Variants in PDCD6IP observed in about 807,000 individuals in gnomAD.
PDCD6IP encodes programmed cell death 6-interacting protein.
In PDCD6IP, 43 loss-of-function variants were observed where a neutral mutation model predicts 103.7. That is an observed-to-expected ratio of 0.41 (90% confidence interval 0.32 to 0.53). The LOEUF is 0.53. Ranked by LOEUF, PDCD6IP falls within the 20% of genes least tolerant of loss-of-function variation. PDCD6IP has a pLI of 0.16. For synonymous variants in PDCD6IP, 354 were observed against 378.7 expected (o/e 0.93, Z 0.76); for missense variants, 871 against 1,036.7 (o/e 0.84, Z 2.20).
rs1404978803 is a variant in PDCD6IP, at chr3:33,867,833, GT to G, written c.*1311del. 6.6e-6 allele frequency: 1 copy of G among 152,120 alleles called. No individual in the cohort carries two copies. Among genetic ancestry groups the G allele is most frequent in the Admixed American group, 6.5e-5 (1 of 15,282 alleles). 9.4% of individuals were successfully genotyped at this position (152,120 alleles called of 1,614,324 possible). On this transcript the variant is annotated 3_prime_UTR_variant, in exon 18 of 18. Coordinates refer to ENST00000307296, the MANE Select transcript of PDCD6IP (RefSeq NM_013374.6). ...GAATCTATTTATGTTTATTTTCTGA[GT>G]TTCAACGCTGACCTTTTCTTGCATT...
chr3:33,863,761 TTAGGATATATA>T lies in PDCD6IP; in HGVS notation c.2121-244_2121-234del. On this transcript the variant is annotated intron_variant, in intron 15 of 17. Transcript: ENST00000307296. ...TCTTCAGTATATGGATATCCTTTCT[TTAGGATATATA>T]CCCAGCAGTGGGATTGTTGGATCAT... The T allele has an allele frequency of 6.5e-6, 3 of 461,292 alleles. No homozygotes were observed. In the East Asian group the frequency reaches 1.2e-4, roughly 19 times the overall value. The allele number at this position is 461,292 out of a possible 1,614,324, so 28.6% of individuals were successfully genotyped here.
At chr3:33,801,963 T>C (rs1306240603) in intron 1 of PDCD6IP, among the ~76,000 whole-genome samples, 2 of 152,230 alleles carry the variant, frequency 1.3e-5, no homozygotes, top group South Asian at 2.1e-4. Flanking sequence ...CAGGTACATC[T>C]ATTTTTAGTA....
At chr3:33,841,512 C>T (rs1255129367) in intron 9 of PDCD6IP, among the ~76,000 whole-genome samples, 1 of 137,290 alleles carries the variant, frequency 7.3e-6, no homozygotes, top group African/African-American at 2.8e-5. Flanking sequence ...GATCTCGGCT[C>T]ACTGCAAGCT....
At chr3:33,852,138 C>G (rs1181245701) in intron 12 of PDCD6IP, among the ~76,000 whole-genome samples, 3 of 152,144 alleles carry the variant, frequency 2.0e-5, no homozygotes, top group Non-Finnish European at 4.4e-5. Context: ...TTTTCTGAGA[C>G]TCGTTATCCC....
At chr3:33,846,409 C>T (rs1697592788) in intron 12 of PDCD6IP, among the ~76,000 whole-genome samples, 1 of 152,146 alleles carries the variant, frequency 6.6e-6, no homozygotes. Context: ...AATTAACATA[C>T]AAATTACACA....
intron 15 of PDCD6IP, among the ~76,000 whole-genome samples, chr3:33,862,664 A>G (rs1379348150): frequency 6.6e-6 from 1 of 152,226 alleles, no homozygotes; most frequent in African/African-American, 2.4e-5. Context: ...TTCTTTGAAT[A>G]TCTTCAGGAA....
At chr3:33,857,223 C>T (rs1318965219) in intron 15 of PDCD6IP, among the ~76,000 whole-genome samples, 2 of 152,044 alleles carry the variant, frequency 1.3e-5, no homozygotes, top group East Asian at 1.9e-4. Context: ...CTCTGTCGCC[C>T]AGGCTGGAGT....
chr3:33,822,299 C>A (rs1417107905), intron 4 of PDCD6IP, among the ~76,000 whole-genome samples: 1 of 152,160 alleles, frequency 6.6e-6, no homozygotes, highest in African/African-American at 2.4e-5. Context: ...GAGCACCTAG[C>A]ACAGTGCCTG....
chr3:33,827,322 T>A (rs1436086273), intron 6 of PDCD6IP: 2 of 567,554 alleles, frequency 3.5e-6, no homozygotes, highest in Non-Finnish European at 4.5e-6. Flanking sequence ...AGTTTCATCA[T>A]ATGGTATCTG....
At position 33,861,231 on chromosome 3, in the gene PDCD6IP, G is replaced by A. The variant is rs571626467; in HGVS notation, c.2121-2775G>A. 1.5e-4 allele frequency among the ~76,000 whole-genome samples: 22 copies of A among 151,042 alleles called. 1 individual carries two copies. In the South Asian group the frequency reaches 4.0e-3, roughly 27 times the overall value. ...ACGATCTCGGCTCACTGCAACCTCC[G>A]CCTCCTGGGTTCAAGCAATTCTCTG... On this transcript the variant is annotated intron_variant, in intron 15 of 17. Transcript: ENST00000307296.
chr3:33,824,857 AT>A (rs1454041386), intron 4 of PDCD6IP, among the ~76,000 whole-genome samples: 2 of 152,204 alleles, frequency 1.3e-5, no homozygotes, highest in African/African-American at 4.8e-5. Flanking sequence ...AGTACTAAAA[AT>A]ATTTTAATGT....
At chr3:33,835,281 G>A (rs766463225) in intron 7 of PDCD6IP, 31 of 456,580 alleles carry the variant, frequency 6.8e-5, no homozygotes, top group East Asian at 1.4e-4. Context: ...GAGTTAGGCC[G>A]TTTGAGGTTC....
chr3:33,838,156 C>T lies in PDCD6IP; in HGVS notation c.1058-48C>T, dbSNP rs34744309. The T allele has an allele frequency of 8.4e-5, 131 of 1,551,278 alleles. No homozygotes were observed. The Admixed American group carries it at 8.5e-4, about 10-fold the overall frequency. The stretch of plus-strand genomic sequence containing the variant: ...AATATAAACAGTCACTTTTACAGTT[C>T]GGGTTTTTGTCTAAAAATTTTGTTG... On this transcript the variant is annotated intron_variant, in intron 8 of 17. Coordinates refer to ENST00000307296, the MANE Select transcript of PDCD6IP (RefSeq NM_013374.6).
chr3:33,825,004 A>G (rs1234539660), intron 4 of PDCD6IP, among the ~76,000 whole-genome samples, 183 bp from the exon 5 acceptor site: 1 of 152,206 alleles, frequency 6.6e-6, no homozygotes, highest in Non-Finnish European at 1.5e-5. Context: ...GTTACGCTAT[A>G]GAGTTTTAGA....
At chr3:33,830,911 T>C (rs1472262593) in intron 7 of PDCD6IP, among the ~76,000 whole-genome samples, 2 of 152,154 alleles carry the variant, frequency 1.3e-5, no homozygotes, top group East Asian at 3.8e-4. Flanking sequence ...ACGGAGATCT[T>C]AGGAGGTCAC....
chr3:33,829,799 A>G (rs1559783786), intron 7 of PDCD6IP, among the ~76,000 whole-genome samples: 2 of 152,266 alleles, frequency 1.3e-5, no homozygotes, highest in South Asian at 2.1e-4. Context: ...TGGGTAATTG[A>G]TAAAGAACAG....
intron 10 of PDCD6IP, among the ~76,000 whole-genome samples, chr3:33,843,493 T>C (rs1482170227): frequency 1.3e-5 from 2 of 152,218 alleles, no homozygotes; most frequent in Non-Finnish European, 2.9e-5. Context: ...AAAAGAAGAA[T>C]TCTATGTACC....
At chr3:33,816,803 T>A (rs947859847) in intron 3 of PDCD6IP, among the ~76,000 whole-genome samples, 4 of 152,110 alleles carry the variant, frequency 2.6e-5, no homozygotes, top group African/African-American at 9.7e-5. Context: ...GGAGCCAAGG[T>A]GCAGAAAAGG....
At chr3:33,845,657 T>A in intron 12 of PDCD6IP, 69 bp downstream of exon 12, 1 of 1,185,106 alleles carries the variant, frequency 8.4e-7, no homozygotes, top group Non-Finnish European at 1.2e-6. Flanking sequence ...TTTTATATAA[T>A]GAACTGCCAA....
Sources: gnomAD v4.1 joint callset for allele counts (sites outside exome capture counted in the v4.1 genomes callset) on GRCh38, gnomAD v4.1.1 for gene constraint, MANE v1.5 for transcripts, NCBI Gene and HGNC (gene_info 2026-07-23, HGNC 2026-07-21) for gene names.